The following HIVEP1 variants were observed in gnomAD, a reference collection of about 807,000 sequenced individuals.
HIVEP1 encodes zinc finger protein 40.
HIVEP1 carries 36 observed loss-of-function variants against 180.0 expected under a neutral mutation model. The observed-to-expected ratio is 0.20, with a 90% CI of 0.15 to 0.26. HIVEP1 has a LOEUF of 0.26. Ranked by LOEUF, HIVEP1 falls within the 10% of genes least tolerant of loss-of-function variation. The pLI, the probability that HIVEP1 is intolerant of heterozygous loss-of-function variation, is 1.00. For synonymous variants in HIVEP1, 1,239 were observed against 1,239.0 expected, an observed-to-expected ratio of 1.00 and a Z score of 0.00; for missense variants, 3,143 against 3,268.7, an observed-to-expected ratio of 0.96 and a Z score of 0.94.
At chr6:12,033,748 TA>T (rs1769105529) in intron 2 of HIVEP1, among the ~76,000 whole-genome samples, 1 of 152,164 alleles carries the variant, frequency 6.6e-6, no homozygotes. Flanking sequence ...GAATACTTTT[TA>T]AAAAAATATT....
chr6:12,067,294 C>G (rs1206973888), intron 2 of HIVEP1, among the ~76,000 whole-genome samples: 1 of 152,062 alleles, frequency 6.6e-6, no homozygotes, highest in Non-Finnish European at 1.5e-5. Context: ...TAGTTACTAT[C>G]ATTTACATTT....
chr6:12,108,413 A>G (rs936736327), intron 3 of HIVEP1, among the ~76,000 whole-genome samples: 7 of 152,312 alleles, frequency 4.6e-5, no homozygotes, highest in South Asian at 2.1e-4. Context: ...TGGGTGGTCA[A>G]TGGGACTGGG....
the HIVEP1 span, among the ~76,000 whole-genome samples, chr6:12,175,770 A>G: frequency 1.3e-5 from 2 of 152,180 alleles, no homozygotes; most frequent in African/African-American, 2.4e-5. Flanking sequence ...CTTTCTGTGC[A>G]TTCACTAAGG....
the HIVEP1 span, among the ~76,000 whole-genome samples, chr6:12,179,088 G>A: frequency 2.0e-5 from 3 of 152,318 alleles, no homozygotes; most frequent in Non-Finnish European, 4.4e-5. Flanking sequence ...CACAGGAAAA[G>A]GCATGGAATG....
chr6:12,077,890 T>C (rs560891444), intron 2 of HIVEP1, among the ~76,000 whole-genome samples: 1 of 152,294 alleles, frequency 6.6e-6, no homozygotes, highest in African/African-American at 2.4e-5. Context: ...CCTTTTTCTC[T>C]TAGAGAGTAT....
chr6:12,031,530 T>G lies in HIVEP1; in HGVS notation c.40+15862T>G, dbSNP rs891001241. Among the ~76,000 whole-genome samples, 71 of 152,306 alleles carry G rather than the reference T, an allele frequency of 4.7e-4. 1 individual carries two copies. Among genetic ancestry groups the G allele is most frequent in the African/African-American group, 1.6e-3 (66 of 41,574 alleles). ...TCTCTTGCTATTGGGATTGCCAGTTTAACTGACTGTGCTCCAAATCTGGTG... is the reference window on the plus strand; with the variant it reads ...TCTCTTGCTATTGGGATTGCCAGTTGAACTGACTGTGCTCCAAATCTGGTG... On this transcript the variant is annotated intron_variant, in intron 2 of 8. Transcript: ENST00000379388.
At chr6:12,210,612 A>G in the HIVEP1 span, among the ~76,000 whole-genome samples, 2 of 152,206 alleles carry the variant, frequency 1.3e-5, no homozygotes, top group African/African-American at 4.8e-5. Context: ...CCTTCTGCTC[A>G]TTCATCATCT....
chr6:12,078,019 A>G (rs1772485454), intron 2 of HIVEP1, among the ~76,000 whole-genome samples: 1 of 152,218 alleles, frequency 6.6e-6, no homozygotes, highest in African/African-American at 2.4e-5. Context: ...CAATTCTGGA[A>G]AGGATTACAA....
intron 2 of HIVEP1, among the ~76,000 whole-genome samples, chr6:12,017,055 C>CT (rs1767814848): frequency 6.6e-6 from 1 of 152,194 alleles, no homozygotes; most frequent in Non-Finnish European, 1.5e-5. Flanking sequence ...CATGATTGAT[C>CT]TGAAGGTGTT....
chr6:12,051,026 A>ATATATATATATATG (rs1329873734), intron 2 of HIVEP1, among the ~76,000 whole-genome samples: 13 of 141,220 alleles, frequency 9.2e-5, no homozygotes, highest in African/African-American at 2.9e-4. Context: ...ATATATATAT[A>ATATATATATATATG]TATATGTATA....
In HIVEP1 at chr6:12,125,354, T is replaced by G. The variant is rs1372093498; in HGVS notation, c.5559T>G (p.Ser1853Arg). Residue 1853 changes from serine to arginine, a missense_variant, in exon 4 of 9, where the codon AGT (serine) becomes AGG (arginine). Ser to Arg is a moderately radical substitution (Grantham distance 110, BLOSUM62 -1). Around this residue, in one of 12 missense-constraint regions of HIVEP1, gnomAD observed 1,357 missense variants for 1,260.5 expected, o/e 1.08. Transcript: ENST00000379388. ...AATTTGTCGTTATAGAACCTATAAG[T>G]GAATTGCAGGAATTTGAAAACATCA... ...CSKFVVIEPI[S>R]ELQEFENIKS... is the part of the protein sequence containing the mutation. 1 of 1,614,148 alleles carries G rather than the reference T, an allele frequency of 6.2e-7. No individual in the cohort carries two copies. The highest frequency in any genetic ancestry group is 1.1e-5 in the South Asian group (1 of 91,076).
At chr6:12,099,272 A>C in intron 3 of HIVEP1, among the ~76,000 whole-genome samples, 1 of 147,412 alleles carries the variant, frequency 6.8e-6, no homozygotes, top group Non-Finnish European at 1.5e-5. Context: ...GGTTCACGCC[A>C]TTCTCCTGCC....
rs139681061 is a variant in HIVEP1 at position 12,017,850 on chromosome 6, G to A, written c.40+2182G>A. Among the ~76,000 whole-genome samples, 1,086 of 152,336 alleles carry A rather than the reference G, an allele frequency of 7.1e-3. 6 individuals carry two copies. Among genetic ancestry groups the A allele is most frequent in the African/African-American group, 0.016 (658 of 41,586 alleles). On this transcript the variant is annotated intron_variant, in intron 2 of 8. Transcript: ENST00000379388. ...TTTCTCCAGGTCCCCACTAGACTCA[G>A]GAGCCCAGCTGGCTTCACCCAGTGG... is the stretch of plus-strand genomic sequence containing the variant.
intron 7 of HIVEP1, among the ~76,000 whole-genome samples, chr6:12,137,774 A>G (rs219938): frequency 0.99 from 150,089 of 152,304 alleles, 73,959 homozygotes; most frequent in East Asian, 1. Flanking sequence ...TTGCAGTGTA[A>G]GTTTAAATAT....
intron 6 of HIVEP1, among the ~76,000 whole-genome samples, chr6:12,133,312 C>T (rs1487461286): frequency 6.6e-6 from 1 of 152,198 alleles, no homozygotes; most frequent in African/African-American, 2.4e-5. Flanking sequence ...GATTTAGTCT[C>T]ATTTATATCA....
At chr6:12,044,328 G>C (rs1769972301) in intron 2 of HIVEP1, among the ~76,000 whole-genome samples, 3 of 152,040 alleles carry the variant, frequency 2.0e-5, no homozygotes, top group Admixed American at 1.3e-4. Context: ...TTCCTAAGGG[G>C]GAAAATATAT....
Position 12,107,845 on chromosome 6 carries a change from A to G in HIVEP1, c.95-12045A>G, listed in dbSNP as rs539543086. ...CCCCACCCACATCCTGCTGATTGGTAGAGCTGAGGGGTGTGTTTTGACAGG... is the reference window on the plus strand; with the variant it reads ...CCCCACCCACATCCTGCTGATTGGTGGAGCTGAGGGGTGTGTTTTGACAGG... On this transcript the variant is annotated intron_variant, in intron 3 of 8. Transcript: ENST00000379388. Among the ~76,000 whole-genome samples, 21 of 152,266 alleles carry G rather than the reference A, an allele frequency of 1.4e-4. No homozygotes were observed. In the South Asian group the frequency reaches 3.7e-3, roughly 27 times the overall value.
intron 2 of HIVEP1, among the ~76,000 whole-genome samples, chr6:12,034,730 A>G (rs1446309797): frequency 6.6e-6 from 1 of 152,186 alleles, no homozygotes; most frequent in Admixed American, 6.5e-5. Flanking sequence ...AAACCTATGC[A>G]TGTATTTCTG....
intron 7 of HIVEP1, among the ~76,000 whole-genome samples, chr6:12,154,096 A>G (rs1759871126): frequency 1.3e-5 from 2 of 152,178 alleles, no homozygotes; most frequent in South Asian, 2.1e-4. Flanking sequence ...TGCAGTGTAC[A>G]TGTGTATTCC....
Sources: allele counts gnomAD v4.1 joint callset (sites outside exome capture counted in the v4.1 genomes callset), GRCh38; gene constraint gnomAD v4.1.1; regional missense constraint gnomAD v4.1.1; transcripts MANE v1.5; gene names NCBI Gene and HGNC (gene_info 2026-07-23, HGNC 2026-07-21).